SLC35F3: variants seen among roughly 807,000 people sequenced by gnomAD.
The protein encoded by SLC35F3 is putative thiamine transporter SLC35F3.
A neutral mutation model predicts 49.9 loss-of-function variants in SLC35F3; 25 were observed. The observed-to-expected ratio is 0.50, with a 90% CI of 0.37 to 0.70. The LOEUF (loss-of-function observed/expected upper bound fraction) is 0.70. SLC35F3 is among the 30% of genes least tolerant of loss of function. The pLI is 0.00. For missense variants in SLC35F3, 525 were observed against 639.8 expected (o/e 0.82, Z 1.94); for synonymous variants, 275 against 265.4 (o/e 1.04, Z -0.35).
chr1:234,168,850 T>G (rs918315948), intron 2 of SLC35F3, among the ~76,000 whole-genome samples: 4 of 152,172 alleles, frequency 2.6e-5, no homozygotes, highest in African/African-American at 9.7e-5. Context: ...GCCCTGCCTA[T>G]TGGGAGCTGG....
rs111874160 is a variant in SLC35F3 at position 234,236,390 on chromosome 1, T to C, written c.608+4649T>C. 9.8e-3 allele frequency among the ~76,000 whole-genome samples: 1,484 copies of C among 152,018 alleles called. 25 individuals are homozygous for C. Among genetic ancestry groups the C allele is most frequent in the African/African-American group, 0.034 (1,425 of 41,444 alleles). ...GGGAGGTTAAGGCTGTAATAAGCAG[T>C]GATCAGACCACTGCACTCCAGCCTG... is the stretch of plus-strand genomic sequence containing the variant. On this transcript the variant is annotated intron_variant, in intron 3 of 7. Transcript: ENST00000366618.
chr1:234,179,094 C>T (rs1666519471), intron 2 of SLC35F3, among the ~76,000 whole-genome samples: 1 of 152,182 alleles, frequency 6.6e-6, no homozygotes, highest in African/African-American at 2.4e-5. Context: ...CCCACATTCC[C>T]TCCACTGAGC....
chr1:234,174,014 G>A (rs1379586741), intron 2 of SLC35F3, among the ~76,000 whole-genome samples: 2 of 152,216 alleles, frequency 1.3e-5, no homozygotes, highest in African/African-American at 4.8e-5. Context: ...AGAACCAGAG[G>A]CCTCTTCCAG....
At chr1:234,218,647 C>T (rs988278154) in intron 2 of SLC35F3, among the ~76,000 whole-genome samples, 8 of 152,140 alleles carry the variant, frequency 5.3e-5, no homozygotes, top group African/African-American at 1.9e-4. Flanking sequence ...AAGCAAGGAT[C>T]CCAGGCTTCA....
intron 2 of SLC35F3, among the ~76,000 whole-genome samples, chr1:233,947,913 C>T (rs1464712533): frequency 6.7e-6 from 1 of 149,880 alleles, no homozygotes; most frequent in Non-Finnish European, 1.5e-5. Flanking sequence ...CTGGGACTCC[C>T]AGGAGGGATT....
At chr1:233,995,431 G>A (rs561782897) in intron 2 of SLC35F3, among the ~76,000 whole-genome samples, 2 of 152,222 alleles carry the variant, frequency 1.3e-5, no homozygotes, top group South Asian at 4.1e-4. Context: ...CCTGGCTGGC[G>A]TTTCTGCCTG....
intron 2 of SLC35F3, among the ~76,000 whole-genome samples, chr1:234,018,763 G>A (rs1396988349): frequency 6.6e-6 from 1 of 152,170 alleles, no homozygotes; most frequent in Non-Finnish European, 1.5e-5. Flanking sequence ...CATTTCAATT[G>A]ACTTTTCCTT....
chr1:234,066,846 ACACACACACAC>A (rs1558219766), intron 2 of SLC35F3, among the ~76,000 whole-genome samples: 6 of 148,362 alleles, frequency 4.0e-5, no homozygotes, highest in Non-Finnish European at 9.0e-5. Flanking sequence ...ACACACACAC[ACACACACACAC>A]ACACACACAC....
At chr1:234,228,353 C>G (rs547475466) in intron 2 of SLC35F3, among the ~76,000 whole-genome samples, 1 of 152,250 alleles carries the variant, frequency 6.6e-6, no homozygotes, top group Non-Finnish European at 1.5e-5. Context: ...TGGCCACGCT[C>G]TCTGCAGAAT....
chr1:234,020,060 G>T (rs545434163), intron 2 of SLC35F3, among the ~76,000 whole-genome samples: 1 of 152,068 alleles, frequency 6.6e-6, no homozygotes, highest in South Asian at 2.1e-4. Flanking sequence ...AGACAACAGG[G>T]TTGAAAATGA....
chr1:233,980,021 C>A (rs1663154568), intron 2 of SLC35F3, among the ~76,000 whole-genome samples: 1 of 152,202 alleles, frequency 6.6e-6, no homozygotes, highest in Non-Finnish European at 1.5e-5. Context: ...TATAGCCAGG[C>A]TTCCTGGCAG....
intron 3 of SLC35F3, among the ~76,000 whole-genome samples, chr1:234,244,724 G>T (rs1667605622): frequency 1.3e-5 from 2 of 151,886 alleles, no homozygotes; most frequent in Admixed American, 1.3e-4. Context: ...CCATCTTCAG[G>T]AAGTTTCAAT....
At chr1:234,085,820 G>T (rs1398651976) in intron 2 of SLC35F3, among the ~76,000 whole-genome samples, 1 of 152,172 alleles carries the variant, frequency 6.6e-6, no homozygotes, top group Non-Finnish European at 1.5e-5. Context: ...TAAGCCCATT[G>T]TGATTCGGAC....
intron 2 of SLC35F3, among the ~76,000 whole-genome samples, chr1:234,216,642 G>A (rs1413680097): frequency 6.6e-6 from 1 of 152,226 alleles, no homozygotes. Flanking sequence ...ATAAATGCCT[G>A]TGGATAACGG....
At chr1:234,037,340 TCACTGTCCCGAGAATGG>T (rs1558211699) in intron 2 of SLC35F3, among the ~76,000 whole-genome samples, 1 of 152,106 alleles carries the variant, frequency 6.6e-6, no homozygotes, top group Non-Finnish European at 1.5e-5. Context: ...AACTACTCAC[TCACTGTCCCGAGAATGG>T]CACAAAGCTA....
intron 2 of SLC35F3, among the ~76,000 whole-genome samples, chr1:234,084,461 A>G (rs1664931304): frequency 6.6e-6 from 1 of 152,266 alleles, no homozygotes; most frequent in African/African-American, 2.4e-5. Flanking sequence ...TTCCAAGCTC[A>G]GAACCAACTA....
At chr1:234,172,582 G>T (rs1171408504) in intron 2 of SLC35F3, among the ~76,000 whole-genome samples, 1 of 152,176 alleles carries the variant, frequency 6.6e-6, no homozygotes, top group African/African-American at 2.4e-5. Context: ...TTCATTCTGA[G>T]AAACGCATCT....
intron 2 of SLC35F3, among the ~76,000 whole-genome samples, chr1:234,002,891 C>T (rs1364137608): frequency 6.6e-6 from 1 of 152,186 alleles, no homozygotes; most frequent in Non-Finnish European, 1.5e-5. Context: ...GAGCTACAAC[C>T]TGACACTATT....
chr1:233,930,764 AAAG>A (rs1332911538), intron 2 of SLC35F3, among the ~76,000 whole-genome samples: 1 of 152,230 alleles, frequency 6.6e-6, no homozygotes, highest in Non-Finnish European at 1.5e-5. Flanking sequence ...AAGCTGTAGA[AAAG>A]AAAATGTTAT....
Sources: gnomAD v4.1 joint callset for allele counts (sites outside exome capture counted in the v4.1 genomes callset) on GRCh38, gnomAD v4.1.1 for gene constraint, MANE v1.5 for transcripts, NCBI Gene and HGNC (gene_info 2026-07-23, HGNC 2026-07-21) for gene names.